MYO5B: variants seen among roughly 807,000 people sequenced by gnomAD.
MYO5B encodes the protein unconventional myosin-Vb.
In MYO5B, 143 loss-of-function variants were observed where a neutral mutation model predicts 229.3. The observed-to-expected ratio is 0.62, with a 90% CI of 0.54 to 0.72. The LOEUF is 0.72. MYO5B is among the 30% of genes least tolerant of loss of function. MYO5B has a pLI of 0.00. For missense variants in MYO5B, 2,321 were observed against 2,331.0 expected, an observed-to-expected ratio of 1.00 and a Z score of 0.09; for synonymous variants, 918 against 885.2, an observed-to-expected ratio of 1.04 and a Z score of -0.66.
At chr18:49,910,054 T>C (rs1292720425) in intron 18 of MYO5B, among the ~76,000 whole-genome samples, 1 of 152,150 alleles carries the variant, frequency 6.6e-6, no homozygotes, top group East Asian at 1.9e-4. Flanking sequence ...AAGTGCCACA[T>C]GCTAGACCAT....
intron 5 of MYO5B, among the ~76,000 whole-genome samples, chr18:49,992,737 G>A (rs1005273479): frequency 2.0e-5 from 3 of 152,088 alleles, no homozygotes; most frequent in Non-Finnish European, 4.4e-5. Context: ...TTCTTGCCTG[G>A]AATGCACCTG....
At position 49,948,147 on chromosome 18, in the gene MYO5B, A is replaced by G. The variant is rs74439971; in HGVS notation, c.1752+5113T>C. Among the ~76,000 whole-genome samples, 431 of 152,394 alleles carry G rather than the reference A, an allele frequency of 2.8e-3. 10 individuals carry two copies. The East Asian group carries it at 0.062, about 22-fold the overall frequency. On this transcript the variant is annotated intron_variant, in intron 14 of 39. Transcript: ENST00000285039. ...TACTCATTTGTGTTTATAAGAATAT[A>G]AAAGATATTTCCTCTGAAACAGACA...
chr18:50,138,415 G>T (rs963939733), intron 1 of MYO5B, among the ~76,000 whole-genome samples: 1 of 138,764 alleles, frequency 7.2e-6, no homozygotes, highest in Admixed American at 6.8e-5. Flanking sequence ...TGCCCAATTT[G>T]GGGGGGGTGG....
chr18:50,013,837 T>C (rs1389956709), intron 4 of MYO5B, among the ~76,000 whole-genome samples: 1 of 152,058 alleles, frequency 6.6e-6, no homozygotes, highest in Non-Finnish European at 1.5e-5. Context: ...GCCAAAGAGA[T>C]TTATCCAAAG....
chr18:49,895,842 G>A (rs2024772955), intron 21 of MYO5B, among the ~76,000 whole-genome samples: 1 of 152,186 alleles, frequency 6.6e-6, no homozygotes, highest in Non-Finnish European at 1.5e-5. Flanking sequence ...AGCCCCCATG[G>A]GCCCAGAGCC....
chr18:49,942,727 G>C lies in MYO5B; in HGVS notation c.1753-5330C>G, dbSNP rs7241946. Among the ~76,000 whole-genome samples the C allele has an allele frequency of 2.0e-5, 3 of 149,818 alleles. No individual in the cohort carries two copies. In the East Asian group the frequency reaches 5.8e-4, roughly 29 times the overall value. Reference sequence around the variant, plus strand: ...AAGTCAGGAAACAACAGGTGCTGGAGAGGATGTGGAGAAATAGGAACACTT... The same window carrying C: ...AAGTCAGGAAACAACAGGTGCTGGACAGGATGTGGAGAAATAGGAACACTT... On this transcript the variant is annotated intron_variant, in intron 14 of 39. Transcript: ENST00000285039.
At chr18:50,152,863 C>A (rs1463285980) in intron 1 of MYO5B, among the ~76,000 whole-genome samples, 113 of 19,588 alleles carry the variant, frequency 5.8e-3, no homozygotes, top group Admixed American at 0.015. Context: ...ATTCTCAAAA[C>A]TAAAAAAAAA....
chr18:50,159,744 C>G (rs1432959764), intron 1 of MYO5B, among the ~76,000 whole-genome samples: 1 of 152,216 alleles, frequency 6.6e-6, no homozygotes, highest in Admixed American at 6.5e-5. Context: ...TCCCCTCTCT[C>G]CCAGTGTTTG....
At chr18:49,840,666 G>C (rs1231732312) in intron 35 of MYO5B, 2 of 152,512 alleles carry the variant, frequency 1.3e-5, no homozygotes, top group Non-Finnish European at 2.9e-5. Context: ...ATTCTCACCA[G>C]AGAAACTAGA....
intron 22 of MYO5B, among the ~76,000 whole-genome samples, chr18:49,888,752 A>G (rs1382043090): frequency 9.2e-5 from 14 of 151,936 alleles, no homozygotes; most frequent in Admixed American, 9.2e-4. Flanking sequence ...TGAATGTTTC[A>G]CTGTTCCTTC....
chr18:49,941,814 T>C (rs1393670476), intron 14 of MYO5B, among the ~76,000 whole-genome samples: 1 of 96,716 alleles, frequency 1.0e-5, no homozygotes, highest in South Asian at 3.0e-4. Flanking sequence ...CTTCACAGAA[T>C]TGGAAAAAAC....
chr18:49,848,625 C>T (rs533225333), intron 32 of MYO5B, among the ~76,000 whole-genome samples: 6 of 152,048 alleles, frequency 3.9e-5, no homozygotes, highest in Non-Finnish European at 5.9e-5. Context: ...AGCTACTAAG[C>T]AATCTGGGAA....
intron 17 of MYO5B, among the ~76,000 whole-genome samples, chr18:49,920,869 G>T (rs1466098465): frequency 6.6e-6 from 1 of 152,128 alleles, no homozygotes; most frequent in Non-Finnish European, 1.5e-5. Context: ...TGACTGACGT[G>T]CAGCCATGCG....
Position 49,953,266 on chromosome 18 carries a change from G to A in MYO5B, c.1746C>T (p.Ala582=). Residue 582 remains alanine, a synonymous_variant, in exon 14 of 40, where the codon GCC becomes GCT. Coordinates refer to ENST00000285039, the MANE Select transcript of MYO5B (RefSeq NM_001080467.3). ...VYEEQINILK[A]SKFPLVADLF... ...CACTTCTGACACTCTTTACCTTGCT[G>A]GCCTTCAGGATATTGATCTGCTCTT... is the stretch of plus-strand genomic sequence containing the variant. 6.2e-7 allele frequency: 1 copy of A among 1,614,022 alleles called. No individual in the cohort carries two copies. The highest frequency in any genetic ancestry group is 8.5e-7 in the Non-Finnish European group (1 of 1,179,928).
chr18:50,054,100 T>C (rs1034444709), intron 2 of MYO5B, among the ~76,000 whole-genome samples: 8 of 152,218 alleles, frequency 5.3e-5, no homozygotes, highest in African/African-American at 1.9e-4. Context: ...CCAGATGCAC[T>C]GGCCTCCTTC....
intron 33 of MYO5B, among the ~76,000 whole-genome samples, chr18:49,843,917 A>T (rs578220374): frequency 2.0e-5 from 3 of 152,376 alleles, no homozygotes; most frequent in African/African-American, 7.2e-5. Context: ...TCTCTGGCCC[A>T]TCAGTTCAGG....
intron 5 of MYO5B, among the ~76,000 whole-genome samples, chr18:49,996,153 A>G (rs1383810058): frequency 6.6e-6 from 1 of 152,228 alleles, no homozygotes; most frequent in Non-Finnish European, 1.5e-5. Context: ...AACTTTGCCC[A>G]AGGTCTAAAG....
At chr18:49,967,581 G>A (rs961493891) in intron 10 of MYO5B, among the ~76,000 whole-genome samples, 3 of 152,192 alleles carry the variant, frequency 2.0e-5, no homozygotes, top group Non-Finnish European at 2.9e-5. Flanking sequence ...ATTATTAGAA[G>A]TCACACAGAA....
At chr18:49,963,427 T>A (rs373254172) in intron 10 of MYO5B, among the ~76,000 whole-genome samples, 3,336 of 129,014 alleles carry the variant, frequency 0.026, 49 homozygotes, top group African/African-American at 0.057. Context: ...TTTATTTATT[T>A]ATTTATTTAT....
Sources: allele counts gnomAD v4.1 joint callset (sites outside exome capture counted in the v4.1 genomes callset), GRCh38; gene constraint gnomAD v4.1.1; transcripts MANE v1.5; gene names NCBI Gene and HGNC (gene_info 2026-07-23, HGNC 2026-07-21).